Variants in SERAC1 observed in about 807,000 individuals in gnomAD.
SERAC1 encodes the protein serine active site containing 1, also known as protein SERAC1.
In SERAC1, 36 loss-of-function variants were observed where a neutral mutation model predicts 85.7. The observed-to-expected ratio is 0.42, with a 90% CI of 0.32 to 0.55. The LOEUF is 0.55. Ranked by LOEUF, SERAC1 falls within the 20% of genes least tolerant of loss-of-function variation. The probability of loss-of-function intolerance (pLI) is 0.11; values close to 1 mark genes in which losing one functional copy is unlikely to be tolerated. For synonymous variants in SERAC1, 242 were observed against 265.3 expected (o/e 0.91, Z 0.85); for missense variants, 629 against 796.2 (o/e 0.79, Z 2.53).
At chr6:158,131,794 G>T (rs551027809) in intron 8 of SERAC1, among the ~76,000 whole-genome samples, 4 of 152,254 alleles carry the variant, frequency 2.6e-5, no homozygotes, top group Non-Finnish European at 5.9e-5. Flanking sequence ...CTGCTGCATT[G>T]TTTGTATAAT....
At chr6:158,147,332 G>C (rs1488708612) in intron 5 of SERAC1, among the ~76,000 whole-genome samples, 11 of 151,206 alleles carry the variant, frequency 7.3e-5, no homozygotes, top group Admixed American at 2.0e-4. Context: ...TAGAGACAGG[G>C]ACTCAAGAAA....
chr6:158,147,453 A>G (rs1485708890), intron 5 of SERAC1, among the ~76,000 whole-genome samples: 1 of 152,030 alleles, frequency 6.6e-6, no homozygotes, highest in African/African-American at 2.4e-5. Flanking sequence ...GATCAAATAT[A>G]TGAAAGAAAT....
chr6:158,156,745 TA>T (rs1785343407), intron 2 of SERAC1, among the ~76,000 whole-genome samples: 1 of 141,628 alleles, frequency 7.1e-6, no homozygotes, highest in African/African-American at 2.6e-5. Flanking sequence ...ATAAATATAT[TA>T]TTTTTATATA....
At chr6:158,118,915 G>A in intron 12 of SERAC1, 114 bp downstream of exon 12, 3 of 1,277,330 alleles carry the variant, frequency 2.3e-6, no homozygotes, top group Admixed American at 2.4e-5. Flanking sequence ...CTAAGGGAAA[G>A]AAGAACTGCA....
At chr6:158,163,739 T>G (rs1473513295) in intron 1 of SERAC1, among the ~76,000 whole-genome samples, 1 of 152,156 alleles carries the variant, frequency 6.6e-6, no homozygotes, top group African/African-American at 2.4e-5. Context: ...TTTGTTGTTT[T>G]TTGTTTTCTT....
intron 15 of SERAC1, among the ~76,000 whole-genome samples, chr6:158,114,167 G>A (rs1175011435): frequency 6.6e-6 from 1 of 152,148 alleles, no homozygotes; most frequent in African/African-American, 2.4e-5. Flanking sequence ...AAAACAAGAA[G>A]AGGACATGAG....
chr6:158,119,769 C>T lies in SERAC1; in HGVS notation c.1167-599G>A, dbSNP rs1784377081. 6.6e-6 allele frequency among the ~76,000 whole-genome samples: 1 copy of T among 152,040 alleles called. No individual in the cohort carries two copies. Among genetic ancestry groups the T allele is most frequent in the African/African-American group, 2.4e-5 (1 of 41,412 alleles). The stretch of plus-strand genomic sequence containing the variant: ...ACAAATTGTAATTAACCAGGTAATC[C>T]ACTTTTTAATTTAAAAGTTTTTGCT... On this transcript the variant is annotated intron_variant, in intron 11 of 16. Coordinates refer to ENST00000647468, the MANE Select transcript of SERAC1 (RefSeq NM_032861.4). This position sits in a 1 kb window ranked among gnomAD's most constrained non-coding sequence, Gnocchi z 4.5.
intron 15 of SERAC1, chr6:158,114,510 ATACT>A: frequency 2.5e-6 from 3 of 1,188,034 alleles, no homozygotes; most frequent in Non-Finnish European, 3.1e-6. Flanking sequence ...ATTTGGAATA[ATACT>A]TAAAAGCAAA....
At chr6:158,136,390 T>C (rs571543959) in intron 8 of SERAC1, among the ~76,000 whole-genome samples, 11 of 152,130 alleles carry the variant, frequency 7.2e-5, no homozygotes, top group Non-Finnish European at 1.3e-4. Context: ...ACCAAAGGAG[T>C]CCATGGTATT....
intron 15 of SERAC1, chr6:158,114,336 G>T: frequency 4.1e-6 from 1 of 243,614 alleles, no homozygotes; most frequent in Non-Finnish European, 6.6e-6. Flanking sequence ...GTATATTTAG[G>T]CTCGAGCCAG....
chr6:158,143,212 A>C, intron 7 of SERAC1, 28 bp from the exon 8 acceptor site: 1 of 1,607,732 alleles, frequency 6.2e-7, no homozygotes, highest in Non-Finnish European at 8.5e-7. Flanking sequence ...GAAATTCTTC[A>C]TAAATACTCA....
At chr6:158,127,110 A>G (rs1784556952) in intron 10 of SERAC1, among the ~76,000 whole-genome samples, 1 of 152,030 alleles carries the variant, frequency 6.6e-6, no homozygotes, top group Non-Finnish European at 1.5e-5. Flanking sequence ...CTGCTCTCCT[A>G]TGATCATCTA....
At chr6:158,126,873 G>C (rs1485471151) in intron 10 of SERAC1, among the ~76,000 whole-genome samples, 5 of 151,936 alleles carry the variant, frequency 3.3e-5, no homozygotes, top group African/African-American at 1.2e-4. Flanking sequence ...CAACAAAGTA[G>C]GACCCCCGTC....
chr6:158,128,591 C>G (rs1179839367), intron 9 of SERAC1, among the ~76,000 whole-genome samples: 1 of 152,194 alleles, frequency 6.6e-6, no homozygotes, highest in African/African-American at 2.4e-5. Context: ...TATAGTGACA[C>G]TTTGACTTGA....
At position 158,119,287 on chromosome 6, in the gene SERAC1, A is replaced by C; in HGVS notation, c.1167-117T>G. The stretch of plus-strand genomic sequence containing the variant: ...AGCAGGCTTATGTGACATAAAACTG[A>C]ATTAAAGCAAGCTCTATAAGCACAG... On this transcript the variant is annotated intron_variant, in intron 11 of 16. Coordinates refer to ENST00000647468, the MANE Select transcript of SERAC1 (RefSeq NM_032861.4). This position sits in a 1 kb window ranked among gnomAD's most constrained non-coding sequence, Gnocchi z 4.5. 1 of 1,230,006 alleles carries C rather than the reference A, an allele frequency of 8.1e-7. No homozygotes were observed. The highest frequency in any genetic ancestry group is 1.5e-5 in the African/African-American group (1 of 65,576). The allele number at this position is 1,230,006 out of a possible 1,614,324, so 76.2% of individuals were successfully genotyped here. A position where few individuals can be genotyped will look rare whatever the true frequency, so the allele number is the denominator to read the frequency against.
chr6:158,137,192 C>T (rs1170442297), intron 8 of SERAC1, among the ~76,000 whole-genome samples: 1 of 151,062 alleles, frequency 6.6e-6, no homozygotes, highest in Non-Finnish European at 1.5e-5. Context: ...TGCTTACTCG[C>T]CTAAAGAGAT....
At chr6:158,114,271 CAA>C (rs1491109169) in intron 15 of SERAC1, among the ~76,000 whole-genome samples, 2 of 152,120 alleles carry the variant, frequency 1.3e-5, no homozygotes, top group Non-Finnish European at 1.5e-5. Context: ...TAGAAGAAAT[CAA>C]GAGATTCTCC....
intron 8 of SERAC1, among the ~76,000 whole-genome samples, chr6:158,140,708 G>A (rs1320885903): frequency 6.6e-6 from 1 of 152,178 alleles, no homozygotes; most frequent in Non-Finnish European, 1.5e-5. Context: ...TGAAGTGGGG[G>A]GCAGTCCTGT....
chr6:158,166,589 A>G (rs1469055131), intron 1 of SERAC1, among the ~76,000 whole-genome samples: 2 of 152,158 alleles, frequency 1.3e-5, no homozygotes, highest in East Asian at 3.8e-4. Flanking sequence ...AGGAAAACTG[A>G]CATCTTTTTG....
Sources: gnomAD v4.1 joint callset for allele counts (sites outside exome capture counted in the v4.1 genomes callset) on GRCh38, gnomAD v4.1.1 for gene constraint, Gnocchi (gnomAD v3.1) non-coding constraint, MANE v1.5 for transcripts, NCBI Gene and HGNC (gene_info 2026-07-23, HGNC 2026-07-21) for gene names.